Variants in IFT57 observed in about 807,000 individuals in gnomAD.
The protein encoded by IFT57 is intraflagellar transport protein 57 homolog.
IFT57 carries 59 observed loss-of-function variants against 56.8 expected under a neutral mutation model. The observed-to-expected ratio is 1.04, with a 90% confidence interval of 0.84 to 1.29. The LOEUF (loss-of-function observed/expected upper bound fraction) is 1.29. Among genes scored for constraint, IFT57 ranks in the 50% most tolerant of loss-of-function variants. The pLI is 0.00. For missense variants in IFT57, 470 were observed against 522.1 expected (o/e 0.90, Z 0.97); for synonymous variants, 209 against 186.1 (o/e 1.12, Z -1.00).
intron 4 of IFT57, among the ~76,000 whole-genome samples, chr3:108,209,884 C>T (rs1412408912): frequency 1.3e-5 from 2 of 150,822 alleles, no homozygotes; most frequent in African/African-American, 2.4e-5. Context: ...GCCTCCAGAA[C>T]CATGTAAGCC....
chr3:108,210,381 C>T (rs1289773), intron 4 of IFT57, among the ~76,000 whole-genome samples: 114,128 of 145,618 alleles, frequency 0.78, 45,670 homozygotes, highest in Non-Finnish European at 0.87. Context: ...TTGCCCAGGC[C>T]GGACTGCAGT....
At chr3:108,174,371 T>C (rs1231307829) in intron 6 of IFT57, among the ~76,000 whole-genome samples, 1 of 151,490 alleles carries the variant, frequency 6.6e-6, no homozygotes, top group Non-Finnish European at 1.5e-5. Context: ...GTTTTAATGA[T>C]ATGTAAGGAC....
At chr3:108,191,793 A>G (rs1431656348) in intron 5 of IFT57, 150 bp from the exon 6 acceptor site, 25 of 498,488 alleles carry the variant, frequency 5.0e-5, no homozygotes, top group Non-Finnish European at 1.0e-5. Flanking sequence ...TCTTCCTACA[A>G]TGTTGAAAGA....
At chr3:108,179,882 T>C (rs1027046075) in intron 6 of IFT57, among the ~76,000 whole-genome samples, 1 of 115,506 alleles carries the variant, frequency 8.7e-6, no homozygotes, top group Non-Finnish European at 1.8e-5. Flanking sequence ...TTTTTATGCG[T>C]TAAAGAACTA....
intron 5 of IFT57, among the ~76,000 whole-genome samples, chr3:108,198,511 G>C (rs1048533371): frequency 2.0e-5 from 3 of 152,018 alleles, no homozygotes; most frequent in Non-Finnish European, 4.4e-5. Context: ...GCATGATCTC[G>C]GCTCACTGCA....
intron 6 of IFT57, among the ~76,000 whole-genome samples, chr3:108,174,905 C>T (rs897385131): frequency 1.3e-5 from 2 of 151,790 alleles, no homozygotes; most frequent in African/African-American, 2.4e-5. Flanking sequence ...TATGTTATTG[C>T]AAGCCACTGT....
chr3:108,208,362 T>C (rs1419831430), intron 4 of IFT57, among the ~76,000 whole-genome samples: 1 of 152,206 alleles, frequency 6.6e-6, no homozygotes, highest in Non-Finnish European at 1.5e-5. Flanking sequence ...AATGACTCAA[T>C]GCTCATGGGA....
intron 3 of IFT57, 170 bp downstream of exon 3, chr3:108,218,365 G>A (rs2080385081): frequency 1.4e-5 from 6 of 439,190 alleles, no homozygotes; most frequent in South Asian, 1.2e-4. Flanking sequence ...TTTTGAAGAC[G>A]TGAGACATTC....
In IFT57 at chr3:108,162,347, A is replaced by G. The variant is rs1254483835; in HGVS notation, c.*130T>C. ...CTTTAACCATCATAATCACCATGAT[A>G]TAATATGTGAGTATGTATATGTAAA... On this transcript the variant is annotated 3_prime_UTR_variant, in exon 11 of 11. Coordinates refer to ENST00000264538, the MANE Select transcript of IFT57 (RefSeq NM_018010.4). 3 of 598,616 alleles carry G rather than the reference A, an allele frequency of 5.0e-6. No individual in the cohort carries two copies. The highest frequency in any genetic ancestry group is 5.7e-6 in the Non-Finnish European group (2 of 350,006). 37.1% of individuals were successfully genotyped at this position (598,616 alleles called of 1,614,324 possible).
chr3:108,209,943 C>G (rs112969205), intron 4 of IFT57, among the ~76,000 whole-genome samples: 1 of 150,336 alleles, frequency 6.7e-6, no homozygotes, highest in Non-Finnish European at 1.5e-5. Flanking sequence ...TGTGTACCTC[C>G]TATTGGTTCT....
At chr3:108,206,468 C>T (rs2080314500) in intron 5 of IFT57, among the ~76,000 whole-genome samples, 160 bp downstream of exon 5, 1 of 151,856 alleles carries the variant, frequency 6.6e-6, no homozygotes, top group South Asian at 2.1e-4. Flanking sequence ...TTTATATTTG[C>T]TATAATTATA....
chr3:108,200,426 C>T (rs998601913), intron 5 of IFT57, among the ~76,000 whole-genome samples: 1 of 151,906 alleles, frequency 6.6e-6, no homozygotes, highest in African/African-American at 2.4e-5. Context: ...ATTCAAAGCA[C>T]TAACATTGCC....
intron 2 of IFT57, 130 bp from the exon 3 acceptor site, chr3:108,218,783 C>T (rs1249143356): frequency 2.1e-6 from 1 of 475,290 alleles, no homozygotes; most frequent in African/African-American, 2.0e-5. Context: ...TGTAATTACA[C>T]TGCTTCATAC....
intron 9 of IFT57, 89 bp from the exon 10 acceptor site, chr3:108,163,818 A>C: frequency 1.4e-6 from 1 of 740,488 alleles, no homozygotes; most frequent in Non-Finnish European, 2.4e-6. Flanking sequence ...TAATTTAGAT[A>C]TTAGCCACAC....
chr3:108,208,216 G>A (rs2080324170), intron 4 of IFT57, among the ~76,000 whole-genome samples: 1 of 152,192 alleles, frequency 6.6e-6, no homozygotes, highest in Non-Finnish European at 1.5e-5. Flanking sequence ...TAGTAGGACA[G>A]AAGTGCAGAC....
Position 108,222,205 on chromosome 3 carries a change from T to C in IFT57, c.118A>G (p.Met40Val), listed in dbSNP as rs562930646. Reference sequence around the variant, plus strand: ...ACCAAGTCCTCCATCACCACGAACATGTGGTAGGCCGCGCCGGGCCCCCGC... The same window carrying C: ...ACCAAGTCCTCCATCACCACGAACACGTGGTAGGCCGCGCCGGGCCCCCGC... Reference protein sequence around the residue: ...LERGPGAAYHMFVVMEDLVEK... With the variant: ...LERGPGAAYHVFVVMEDLVEK... The change falls in exon 1 of 11, where the codon ATG (methionine) becomes GTG (valine). Residue 40 changes from methionine (M) to valine (V), a missense_variant. Physicochemically the swap from Met to Val is conservative, Grantham distance 21 (BLOSUM62 1). Coordinates refer to ENST00000264538, the MANE Select transcript of IFT57 (RefSeq NM_018010.4). 25 of 1,614,038 alleles carry C rather than the reference T, an allele frequency of 1.5e-5. No individual in the cohort carries two copies. The highest frequency in any genetic ancestry group is 2.2e-5 in the East Asian group (1 of 44,872).
In IFT57 at chr3:108,219,660, C is replaced by T. The variant is rs1275604458; in HGVS notation, c.213-88G>A. The T allele has an allele frequency of 2.2e-6, 3 of 1,350,866 alleles. No homozygotes were observed. In the East Asian group the frequency reaches 7.0e-5, roughly 32 times the overall value. 83.7% of individuals were successfully genotyped at this position (1,350,866 alleles called of 1,614,324 possible). ...TAATAGGGCCGAATTCACAATTGTC[C>T]AACAATCTTTCTTCCCCCCAAATGG... On this transcript the variant is annotated intron_variant, in intron 1 of 10. Transcript: ENST00000264538.
chr3:108,205,957 AAATATATT>A (rs2108323615), intron 5 of IFT57, among the ~76,000 whole-genome samples: 2 of 60,476 alleles, frequency 3.3e-5, no homozygotes, highest in South Asian at 9.3e-4. Flanking sequence ...TATAATATAT[AAATATATT>A]ATATATTTAT....
intron 5 of IFT57, among the ~76,000 whole-genome samples, chr3:108,206,155 G>A (rs929053048): frequency 1.4e-5 from 2 of 142,420 alleles, no homozygotes; most frequent in Non-Finnish European, 3.0e-5. Flanking sequence ...CATTGTATAT[G>A]TACTTTTATA....
Sources: allele counts gnomAD v4.1 joint callset (sites outside exome capture counted in the v4.1 genomes callset), GRCh38; gene constraint gnomAD v4.1.1; transcripts MANE v1.5; gene names NCBI Gene and HGNC (gene_info 2026-07-23, HGNC 2026-07-21).